The following MYO16 variants were observed in gnomAD, a reference collection of about 807,000 sequenced individuals.
MYO16 encodes myosin XVI.
A neutral mutation model predicts 205.3 loss-of-function variants in MYO16; 94 were observed. The ratio of observed to expected loss-of-function variants is 0.46; its 90% CI spans 0.39 to 0.54. The LOEUF (loss-of-function observed/expected upper bound fraction) is 0.54, where lower values mean the gene tolerates loss of function less well. Among genes scored for constraint, MYO16 ranks in the 20% least tolerant of loss-of-function variants. MYO16 has a pLI of 0.00. For missense variants in MYO16, 2,315 were observed against 2,387.5 expected, an observed-to-expected ratio of 0.97 and a Z score of 0.63; for synonymous variants, 988 against 954.0, an observed-to-expected ratio of 1.04 and a Z score of -0.66.
At chr13:108,865,724 A>G (rs1314298199) in intron 11 of MYO16, among the ~76,000 whole-genome samples, 1 of 151,944 alleles carries the variant, frequency 6.6e-6, no homozygotes, top group Non-Finnish European at 1.5e-5. Flanking sequence ...TCTCATTGTC[A>G]CTTTTTAATT....
intron 27 of MYO16, among the ~76,000 whole-genome samples, chr13:109,072,695 A>G (rs1887962958): frequency 6.6e-6 from 1 of 152,124 alleles, no homozygotes; most frequent in East Asian, 1.9e-4. Flanking sequence ...ATACCAGGGC[A>G]TTTTGCAACA....
chr13:108,672,264 C>G (rs1380578166), intron 2 of MYO16, among the ~76,000 whole-genome samples: 1 of 152,026 alleles, frequency 6.6e-6, no homozygotes, highest in Non-Finnish European at 1.5e-5. Flanking sequence ...TTTTATTTAT[C>G]TTTAAGCTAT....
intron 21 of MYO16, among the ~76,000 whole-genome samples, chr13:109,005,133 A>C (rs565123035): frequency 2.0e-5 from 3 of 152,266 alleles, no homozygotes; most frequent in Non-Finnish European, 4.4e-5. Context: ...ATGCTGGGGG[A>C]AGAAGACGAT....
chr13:108,908,105 C>T (rs955059577), intron 15 of MYO16, among the ~76,000 whole-genome samples: 2 of 152,108 alleles, frequency 1.3e-5, no homozygotes, highest in African/African-American at 2.4e-5. Flanking sequence ...GAAATTGCCA[C>T]CTAATTGATT....
chr13:108,981,839 C>T (rs1008741766), intron 20 of MYO16, among the ~76,000 whole-genome samples: 2 of 152,230 alleles, frequency 1.3e-5, no homozygotes, highest in African/African-American at 2.4e-5. Flanking sequence ...TGGAACCACA[C>T]ATTTTTTGTA....
chr13:108,693,167 A>G (rs1882965638), intron 2 of MYO16, among the ~76,000 whole-genome samples: 1 of 152,220 alleles, frequency 6.6e-6, no homozygotes, highest in Non-Finnish European at 1.5e-5. Flanking sequence ...TATATGACTT[A>G]AGAAGTTTAT....
In MYO16 at chr13:109,117,129, T is replaced by A. The variant is rs1875731524; in HGVS notation, c.3439-3241T>A. ...ATCACCTGCCACCTTCTGTGACTTA[T>A]TCTGGATTGCTGAATGACTCTAGGG... On this transcript the variant is annotated intron_variant, in intron 28 of 34. Coordinates refer to ENST00000457511, the MANE Select transcript of MYO16 (RefSeq NM_001198950.3). Among the ~76,000 whole-genome samples, 2 of 94,512 alleles carry A rather than the reference T, an allele frequency of 2.1e-5. 1 individual carries two copies. The highest frequency in any genetic ancestry group is 6.6e-5 in the African/African-American group (2 of 30,326). 62.0% of individuals were successfully genotyped at this position (94,512 alleles called of 152,430 possible). A position where few individuals can be genotyped will look rare whatever the true frequency, so the allele number is the denominator to read the frequency against.
chr13:108,507,235 C>T, the MYO16 span, among the ~76,000 whole-genome samples: 1 of 152,086 alleles, frequency 6.6e-6, no homozygotes, highest in Non-Finnish European at 1.5e-5. Context: ...TTTTTACAGG[C>T]TTTCGTATTG....
chr13:109,179,482 C>A, intron 33 of MYO16, 60 bp from the exon 34 acceptor site: 1 of 1,062,540 alleles, frequency 9.4e-7, no homozygotes, highest in Non-Finnish European at 1.5e-6. Flanking sequence ...GAGTGCATGA[C>A]TTACTTTATT....
chr13:108,866,281 G>A, intron 12 of MYO16, 39 bp downstream of exon 12: 2 of 1,343,406 alleles, frequency 1.5e-6, no homozygotes, highest in Non-Finnish European at 2.1e-6. Flanking sequence ...ATAATGTAGA[G>A]TAATACTTTC....
At chr13:108,978,075 GC>G (rs1440220272) in intron 20 of MYO16, among the ~76,000 whole-genome samples, 2 of 150,498 alleles carry the variant, frequency 1.3e-5, no homozygotes, top group African/African-American at 2.4e-5. Context: ...TTTTTGTGTG[GC>G]TATAATGAGT....
At chr13:108,837,372 C>A (rs1876985446) in intron 9 of MYO16, among the ~76,000 whole-genome samples, 1 of 152,140 alleles carries the variant, frequency 6.6e-6, no homozygotes, top group African/African-American at 2.4e-5. Context: ...GTCCTTATAG[C>A]AGCATGCAAA....
intron 1 of MYO16, among the ~76,000 whole-genome samples, chr13:108,661,637 A>G (rs1881507030): frequency 6.6e-6 from 1 of 151,934 alleles, no homozygotes; most frequent in South Asian, 2.1e-4. Context: ...CAAATGTTTG[A>G]TTGTTTTTTC....
chr13:108,797,338 T>A (rs1437225570), intron 6 of MYO16, among the ~76,000 whole-genome samples: 1 of 152,198 alleles, frequency 6.6e-6, no homozygotes, highest in Non-Finnish European at 1.5e-5. Flanking sequence ...TTAGCATATA[T>A]GTGATGTTGA....
chr13:108,898,214 C>A, intron 15 of MYO16, 81 bp downstream of exon 15: 1 of 976,998 alleles, frequency 1.0e-6, no homozygotes, highest in Non-Finnish European at 1.6e-6. Flanking sequence ...GCTATGGACA[C>A]ACTGTGTATG....
At chr13:109,100,032 T>C (rs1052949062) in intron 27 of MYO16, among the ~76,000 whole-genome samples, 1 of 152,216 alleles carries the variant, frequency 6.6e-6, no homozygotes, top group African/African-American at 2.4e-5. Flanking sequence ...ACTGCATAGA[T>C]CTTTGCTCAT....
At chr13:109,024,774 C>T (rs1332639888) in intron 23 of MYO16, among the ~76,000 whole-genome samples, 2 of 151,974 alleles carry the variant, frequency 1.3e-5, no homozygotes, top group Non-Finnish European at 2.9e-5. Context: ...GAGTCTTAGC[C>T]AAAAGACTCC....
chr13:108,624,089 T>A (rs1879642917), intron 1 of MYO16, among the ~76,000 whole-genome samples: 5 of 152,202 alleles, frequency 3.3e-5, no homozygotes, highest in Admixed American at 2.6e-4. Flanking sequence ...AAAAAATCCA[T>A]GTATATCAAT....
chr13:109,083,728 G>A (rs1201889164), intron 27 of MYO16, among the ~76,000 whole-genome samples: 3 of 152,134 alleles, frequency 2.0e-5, no homozygotes, highest in African/African-American at 7.2e-5. Context: ...TATAAGGGCA[G>A]GTTCCTTGTA....
Sources: allele counts gnomAD v4.1 joint callset (sites outside exome capture counted in the v4.1 genomes callset), GRCh38; gene constraint gnomAD v4.1.1; transcripts MANE v1.5; gene names NCBI Gene and HGNC (gene_info 2026-07-23, HGNC 2026-07-21).